The following SUGCT variants were observed in gnomAD, a reference collection of about 807,000 sequenced individuals.
The protein encoded by SUGCT is succinyl-CoA:glutarate-CoA transferase.
Under a neutral mutation model 55.0 loss-of-function variants are expected in SUGCT, and 41 were observed. The observed-to-expected ratio is 0.74, with a 90% CI of 0.58 to 0.97. The LOEUF (loss-of-function observed/expected upper bound fraction) is 0.97. Ranked by LOEUF, SUGCT falls within the 50% of genes least tolerant of loss-of-function variation. SUGCT has a pLI of 0.00. For synonymous variants in SUGCT, 187 were observed against 200.4 expected (o/e 0.93, Z 0.56); for missense variants, 568 against 547.8 (o/e 1.04, Z -0.37).
chr7:41,033,111 G>A, the SUGCT span, among the ~76,000 whole-genome samples: 4 of 152,124 alleles, frequency 2.6e-5, no homozygotes, highest in Non-Finnish European at 5.9e-5. Context: ...AATGTGTAGA[G>A]GACAAAGGAA....
At chr7:40,615,941 AAT>A (rs1381307331) in intron 12 of SUGCT, among the ~76,000 whole-genome samples, 5 of 152,202 alleles carry the variant, frequency 3.3e-5, no homozygotes, top group African/African-American at 9.6e-5. Context: ...TATACCATTT[AAT>A]ATGTTTAATA....
intron 6 of SUGCT, among the ~76,000 whole-genome samples, chr7:40,216,713 G>T (rs1787676298): frequency 6.6e-6 from 1 of 151,844 alleles, no homozygotes; most frequent in Non-Finnish European, 1.5e-5. Context: ...TTAGCCAGGT[G>T]TGATGGTGCA....
At chr7:40,497,893 A>G (rs1792073664) in intron 12 of SUGCT, among the ~76,000 whole-genome samples, 1 of 151,848 alleles carries the variant, frequency 6.6e-6, no homozygotes, top group Non-Finnish European at 1.5e-5. Context: ...ATATTCTAAC[A>G]CTACCTATTT....
chr7:40,219,024 C>A (rs1336768809), intron 6 of SUGCT, among the ~76,000 whole-genome samples: 1 of 152,182 alleles, frequency 6.6e-6, no homozygotes, highest in Non-Finnish European at 1.5e-5. Flanking sequence ...GTCCGCACTA[C>A]CTTTATGAGC....
At chr7:40,889,347 A>G in the SUGCT span, among the ~76,000 whole-genome samples, 1 of 152,134 alleles carries the variant, frequency 6.6e-6, no homozygotes, top group African/African-American at 2.4e-5. Flanking sequence ...CTTGAGGGTT[A>G]TGTGTTCTGT....
chr7:40,655,756 A>G (rs1800988891), intron 12 of SUGCT, among the ~76,000 whole-genome samples: 1 of 152,238 alleles, frequency 6.6e-6, no homozygotes. Context: ...AATATATGCC[A>G]GGAGATACAT....
intron 11 of SUGCT, among the ~76,000 whole-genome samples, chr7:40,482,089 T>C (rs1791083948): frequency 6.6e-6 from 1 of 152,178 alleles, no homozygotes; most frequent in Admixed American, 6.6e-5. Context: ...AGATTTCCCT[T>C]TCCAAGAATG....
intron 12 of SUGCT, among the ~76,000 whole-genome samples, chr7:40,723,858 G>C (rs908808442): frequency 1.3e-5 from 2 of 152,110 alleles, no homozygotes; most frequent in Non-Finnish European, 2.9e-5. Flanking sequence ...ATGGGATCTC[G>C]TTCACCTCTA....
At chr7:41,010,903 CT>C in the SUGCT span, among the ~76,000 whole-genome samples, 1 of 152,160 alleles carries the variant, frequency 6.6e-6, no homozygotes, top group Non-Finnish European at 1.5e-5. Flanking sequence ...CAAATATGGT[CT>C]TGATGACTGA....
intron 3 of SUGCT, among the ~76,000 whole-genome samples, chr7:40,184,042 G>A (rs767281612): frequency 3.3e-5 from 5 of 152,074 alleles, no homozygotes; most frequent in Admixed American, 6.6e-5. Context: ...GGGCATGGTG[G>A]CAGATGCCTG....
chr7:40,717,474 G>C (rs916057082), intron 12 of SUGCT, among the ~76,000 whole-genome samples: 1 of 152,130 alleles, frequency 6.6e-6, no homozygotes, highest in East Asian at 1.9e-4. Context: ...GGCACATGTC[G>C]GGCTCCAGTC....
chr7:40,513,308 C>A (rs4723966), intron 12 of SUGCT, among the ~76,000 whole-genome samples: 13,688 of 151,978 alleles, frequency 0.09, 665 homozygotes, highest in Middle Eastern at 0.11. Flanking sequence ...ATGAATGAGC[C>A]CTGTAAAAGC....
chr7:40,913,973 A>G, the SUGCT span, among the ~76,000 whole-genome samples: 1 of 152,222 alleles, frequency 6.6e-6, no homozygotes, highest in Non-Finnish European at 1.5e-5. Flanking sequence ...AAATAAATAA[A>G]TATTTGCAGA....
intron 11 of SUGCT, among the ~76,000 whole-genome samples, chr7:40,473,295 A>G (rs1246337929): frequency 6.6e-6 from 1 of 152,214 alleles, no homozygotes; most frequent in African/African-American, 2.4e-5. Context: ...AAAGCTGTAC[A>G]TTTGAGAAAT....
chr7:41,002,218 G>A, the SUGCT span, among the ~76,000 whole-genome samples: 4 of 152,218 alleles, frequency 2.6e-5, no homozygotes, highest in African/African-American at 9.6e-5. Context: ...ATGGGGTTTT[G>A]CCACATTGTT....
chr7:40,410,520 ATTATT>A (rs1424790181), intron 9 of SUGCT, among the ~76,000 whole-genome samples: 5 of 152,100 alleles, frequency 3.3e-5, no homozygotes, highest in African/African-American at 1.2e-4. Context: ...ACCATTTTAT[ATTATT>A]TTATTTTAGC....
At chr7:40,782,021 G>A (rs541895520) in intron 13 of SUGCT, among the ~76,000 whole-genome samples, 137 of 151,846 alleles carry the variant, frequency 9.0e-4, no homozygotes, top group Non-Finnish European at 1.6e-3. Context: ...ATTCTTCCTG[G>A]GTGATAAGAT....
intron 12 of SUGCT, among the ~76,000 whole-genome samples, chr7:40,695,288 C>T (rs917502187): frequency 6.6e-6 from 1 of 151,390 alleles, no homozygotes; most frequent in African/African-American, 2.4e-5. Flanking sequence ...GCTTTGACTC[C>T]CTGGGCTCAA....
At chr7:40,235,655 T>G (rs1788972309) in intron 6 of SUGCT, among the ~76,000 whole-genome samples, 1 of 152,200 alleles carries the variant, frequency 6.6e-6, no homozygotes, top group South Asian at 2.1e-4. Flanking sequence ...AAAATATTTT[T>G]GCACTCATTC....
Sources: gnomAD v4.1 joint callset for allele counts (sites outside exome capture counted in the v4.1 genomes callset) on GRCh38, gnomAD v4.1.1 for gene constraint, MANE v1.5 for transcripts, NCBI Gene and HGNC (gene_info 2026-07-23, HGNC 2026-07-21) for gene names.